Variants in FANCI observed in about 807,000 individuals in gnomAD.
FANCI encodes Fanconi anemia group I protein.
In FANCI, 156 loss-of-function variants were observed where a neutral mutation model predicts 176.1. The ratio of observed to expected loss-of-function variants is 0.89; its 90% confidence interval spans 0.78 to 1.01. The LOEUF (loss-of-function observed/expected upper bound fraction) is 1.01. Ranked by LOEUF, FANCI falls within the 50% of genes least tolerant of loss-of-function variation. FANCI has a pLI of 0.00. For synonymous variants in FANCI, 613 were observed against 541.7 expected, an observed-to-expected ratio of 1.13 and a Z score of -1.83; for missense variants, 1,678 against 1,534.1, an observed-to-expected ratio of 1.09 and a Z score of -1.57.
intron 24 of FANCI, 115 bp from the exon 25 acceptor site, chr15:89,299,685 T>C (rs749913698): frequency 2.0e-6 from 2 of 1,006,922 alleles, no homozygotes; most frequent in Non-Finnish European, 3.0e-6. Context: ...TACACAACCA[T>C]GTAAGTTTTT....
intron 17 of FANCI, 61 bp downstream of exon 17, chr15:89,283,311 G>A: frequency 1.9e-6 from 3 of 1,608,876 alleles, no homozygotes; most frequent in Middle Eastern, 1.7e-4. Context: ...TCGATGAAAT[G>A]CACGCTGTTT....
chr15:89,291,970 T>G (rs2054086973), intron 20 of FANCI, among the ~76,000 whole-genome samples: 1 of 152,232 alleles, frequency 6.6e-6, no homozygotes, highest in African/African-American at 2.4e-5. Context: ...TTTATGAATC[T>G]TTGATTACAT....
At chr15:89,286,198 G>T (rs1170659809) in intron 18 of FANCI, among the ~76,000 whole-genome samples, 1 of 152,092 alleles carries the variant, frequency 6.6e-6, no homozygotes, top group Non-Finnish European at 1.5e-5. Context: ...TCACCATGTT[G>T]GCCAGGCTGG....
At chr15:89,270,188 T>C (rs1340849610) in intron 10 of FANCI, among the ~76,000 whole-genome samples, 1 of 152,180 alleles carries the variant, frequency 6.6e-6, no homozygotes, top group East Asian at 1.9e-4. Flanking sequence ...CAAAAACAGG[T>C]AGTGGGTTGG....
intron 3 of FANCI, 94 bp from the exon 4 acceptor site, chr15:89,260,618 GT>G: frequency 2.7e-6 from 4 of 1,502,512 alleles, no homozygotes; most frequent in East Asian, 2.3e-5. Flanking sequence ...TGATAATTCT[GT>G]TTTTTTGTAT....
Position 89,317,131 on chromosome 15 carries a change from T to C in FANCI, c.*672T>C. 3.4e-6 allele frequency: 2 copies of C among 596,546 alleles called. No individual in the cohort carries two copies. The highest frequency in any genetic ancestry group is 3.0e-6 in the Non-Finnish European group (1 of 336,946). 37.0% of individuals were successfully genotyped at this position (596,546 alleles called of 1,614,324 possible). A position where few individuals can be genotyped will look rare whatever the true frequency, so the allele number is the denominator to read the frequency against. On this transcript the variant is annotated 3_prime_UTR_variant, in exon 38 of 38. Transcript: ENST00000310775. ...TATAGAATAAATTATCTTTAAACAT[T>C]TCTTCTGTGGTTGAAGTAGGGGACA...
intron 1 of FANCI, chr15:89,244,410 C>T (rs2051850504): frequency 6.6e-6 from 1 of 152,240 alleles, no homozygotes; most frequent in Admixed American, 6.5e-5. Context: ...ACTGAAGAAC[C>T]CGGAAGGGAA....
rs34405660 is a variant in FANCI at position 89,278,719 on chromosome 15, G to A, written c.1326G>A (p.Glu442=). The change falls in exon 14 of 38, where the codon GAG becomes GAA. Residue 442 remains glutamate, a synonymous_variant. Coordinates refer to ENST00000310775, the MANE Select transcript of FANCI (RefSeq NM_001113378.2). Reference sequence around the variant, plus strand: ...AGATGATCAGACAAGAAATTTTGGAGCAGGTCCTCAACAGGGTTGTTACCA... The same window carrying A: ...AGATGATCAGACAAGAAATTTTGGAACAGGTCCTCAACAGGGTTGTTACCA... ...IHEMIRQEIL[E]QVLNRVVTRA... The A allele has an allele frequency of 1.3e-3, 2,063 of 1,613,924 alleles. 19 individuals are homozygous for A. In the African/African-American group the frequency reaches 0.024, roughly 19 times the overall value.
chr15:89,246,048 T>G (rs1178831872), intron 1 of FANCI, among the ~76,000 whole-genome samples: 1 of 152,178 alleles, frequency 6.6e-6, no homozygotes, highest in Non-Finnish European at 1.5e-5. Flanking sequence ...GGCAAAGTTG[T>G]TAAGAATGTT....
At chr15:89,268,648 T>A in intron 10 of FANCI, 123 bp downstream of exon 10, 1 of 1,206,610 alleles carries the variant, frequency 8.3e-7, no homozygotes. Context: ...GTGTGGAGGA[T>A]CTCTTTTTTT....
At chr15:89,265,779 C>G (rs965859002) in intron 9 of FANCI, among the ~76,000 whole-genome samples, 6 of 152,100 alleles carry the variant, frequency 3.9e-5, no homozygotes, top group African/African-American at 1.4e-4. Context: ...GCCTCGGCCT[C>G]CCAAAGTGCT....
At chr15:89,293,784 A>G (rs2054154501) in intron 22 of FANCI, 49 bp from the exon 23 acceptor site, 2 of 1,567,850 alleles carry the variant, frequency 1.3e-6, no homozygotes, top group South Asian at 1.1e-5. Context: ...AAAGTAAACC[A>G]CAATATTCTG....
chr15:89,247,526 A>G (rs752925413), intron 1 of FANCI, 103 bp from the exon 2 acceptor site: 2 of 828,826 alleles, frequency 2.4e-6, no homozygotes, highest in Non-Finnish European at 4.2e-6. Context: ...TTGAGCACCC[A>G]TTGCATAATA....
At chr15:89,247,919 C>G (rs1422927843) in intron 2 of FANCI, among the ~76,000 whole-genome samples, 188 bp downstream of exon 2, 10 of 152,164 alleles carry the variant, frequency 6.6e-5, no homozygotes, top group Admixed American at 6.5e-4. Context: ...GAGAAATAGA[C>G]TACTTGAGGG....
intron 9 of FANCI, among the ~76,000 whole-genome samples, chr15:89,267,718 G>A (rs557843220): frequency 6.6e-6 from 1 of 152,180 alleles, no homozygotes; most frequent in African/African-American, 2.4e-5. Flanking sequence ...CTTGAGCCCA[G>A]GAGTTCAAAA....
intron 16 of FANCI, 83 bp from the exon 17 acceptor site, chr15:89,283,053 A>G: frequency 7.5e-7 from 1 of 1,331,658 alleles, no homozygotes; most frequent in African/African-American, 1.4e-5. Flanking sequence ...CCTTCTCTGT[A>G]TGCAACTAGC....
intron 10 of FANCI, among the ~76,000 whole-genome samples, chr15:89,272,634 T>G (rs1389993237): frequency 6.6e-6 from 1 of 152,230 alleles, no homozygotes; most frequent in Non-Finnish European, 1.5e-5. Context: ...TTTGGATTTC[T>G]GATCCATTCA....
intron 23 of FANCI, 149 bp from the exon 24 acceptor site, chr15:89,294,766 G>T: frequency 1.4e-6 from 1 of 694,726 alleles, no homozygotes; most frequent in Non-Finnish European, 2.3e-6. Flanking sequence ...ACTATAGCTT[G>T]GGCTGCCTAG....
chr15:89,265,414 C>G (rs2052898895), intron 9 of FANCI, among the ~76,000 whole-genome samples: 2 of 152,166 alleles, frequency 1.3e-5, no homozygotes, highest in South Asian at 4.1e-4. Context: ...GCCATGTTGG[C>G]CAGGCTGGTC....
Sources: gnomAD v4.1 joint callset for allele counts (sites outside exome capture counted in the v4.1 genomes callset) on GRCh38, gnomAD v4.1.1 for gene constraint, MANE v1.5 for transcripts, NCBI Gene and HGNC (gene_info 2026-07-23, HGNC 2026-07-21) for gene names.